Variants in PCMTD1 observed in about 807,000 individuals in gnomAD.
The protein encoded by PCMTD1 is protein-L-isoaspartate (D-aspartate) O-methyltransferase domain containing 1, also known as protein-L-isoaspartate O-methyltransferase domain-containing protein 1.
Under a neutral mutation model 37.6 loss-of-function variants are expected in PCMTD1, and 12 were observed. That is an observed-to-expected ratio of 0.32 (90% CI 0.20 to 0.52). The LOEUF (loss-of-function observed/expected upper bound fraction) is 0.52, where lower values mean the gene tolerates loss of function less well. Among genes scored for constraint, PCMTD1 ranks in the 20% least tolerant of loss-of-function variants. The pLI is 0.97. For synonymous variants in PCMTD1, 117 were observed against 135.8 expected, an observed-to-expected ratio of 0.86 and a Z score of 0.96; for missense variants, 235 against 421.3, an observed-to-expected ratio of 0.56 and a Z score of 3.87.
Position 51,854,782 on chromosome 8 carries a change from TAGG to T in PCMTD1, c.307+6060_307+6062del, listed in dbSNP as rs576818179. On this transcript the variant is annotated intron_variant, in intron 2 of 5. Transcript: ENST00000522514. The stretch of plus-strand genomic sequence containing the variant: ...ATCCCAGCTACTTGGGAGGATGAGG[TAGG>T]AGAATTGCTTGAACCTGGGAGGCGG... 1.4e-3 allele frequency among the ~76,000 whole-genome samples: 215 copies of T among 148,596 alleles called. 1 individual carries two copies. Among genetic ancestry groups the T allele is most frequent in the African/African-American group, 4.9e-3 (197 of 40,256 alleles).
intron 1 of PCMTD1, among the ~76,000 whole-genome samples, chr8:51,870,914 T>C (rs1182041710): frequency 6.6e-6 from 1 of 152,154 alleles, no homozygotes; most frequent in Non-Finnish European, 1.5e-5. Context: ...CATTTATTGG[T>C]CGTGCAGCCT....
intron 2 of PCMTD1, chr8:51,849,113 T>C (rs1441656552): frequency 1.3e-5 from 2 of 152,122 alleles, no homozygotes; most frequent in African/African-American, 2.4e-5. Flanking sequence ...AAAGCATACA[T>C]AGCTGCTTCT....
At chr8:51,843,524 A>C (rs1276385278) in intron 3 of PCMTD1, among the ~76,000 whole-genome samples, 1 of 152,134 alleles carries the variant, frequency 6.6e-6, no homozygotes, top group Non-Finnish European at 1.5e-5. Context: ...TATGAATAAC[A>C]AACCTGGGTA....
intron 1 of PCMTD1, among the ~76,000 whole-genome samples, chr8:51,874,092 G>A (rs1353881177): frequency 6.6e-6 from 1 of 151,884 alleles, no homozygotes; most frequent in East Asian, 1.9e-4. Context: ...TAGAGATGGG[G>A]TTTCACCATG....
At chr8:51,868,123 T>C (rs527617823) in intron 1 of PCMTD1, among the ~76,000 whole-genome samples, 1 of 152,154 alleles carries the variant, frequency 6.6e-6, no homozygotes, top group African/African-American at 2.4e-5. Flanking sequence ...AAAGATTAAA[T>C]AGGATTTTAA....
chr8:51,857,359 T>A (rs1165767537), intron 2 of PCMTD1, among the ~76,000 whole-genome samples: 1 of 152,182 alleles, frequency 6.6e-6, no homozygotes, highest in African/African-American at 2.4e-5. Flanking sequence ...AATCTGTGTA[T>A]TATATGTTTT....
At chr8:51,854,562 AGAG>A (rs1175314143) in intron 2 of PCMTD1, among the ~76,000 whole-genome samples, 3 of 152,216 alleles carry the variant, frequency 2.0e-5, no homozygotes, top group Non-Finnish European at 4.4e-5. Flanking sequence ...ATTTGCTCAC[AGAG>A]CCCCAAATAA....
chr8:51,869,537 G>C (rs901906715), intron 1 of PCMTD1, among the ~76,000 whole-genome samples: 1 of 151,896 alleles, frequency 6.6e-6, no homozygotes, highest in African/African-American at 2.4e-5. Flanking sequence ...TCTAGTAATG[G>C]CTGCTGTCCA....
intron 1 of PCMTD1, among the ~76,000 whole-genome samples, chr8:51,886,911 G>A (rs932741369): frequency 1.3e-5 from 2 of 151,748 alleles, no homozygotes; most frequent in Admixed American, 1.3e-4. Flanking sequence ...CTTTCTGAAG[G>A]TTCTTTAGGA....
At chr8:51,862,048 TTATAGTACAGTATAGTATAG>T (rs1184396158) in intron 1 of PCMTD1, among the ~76,000 whole-genome samples, 273 of 152,276 alleles carry the variant, frequency 1.8e-3, no homozygotes, top group Non-Finnish European at 1.5e-3. Context: ...ACTGGCTTCT[TTATAGTACAGTATAGTATAG>T]TATAGTACAG....
rs773164358 is a variant in PCMTD1, at chr8:51,870,317, TG to T, written c.-95-9072del. ...CCTCATGTCCTCAAAGCTCTTGTCATGGGATTCATGGACCAAGCCTGCTTTA... is the reference window on the plus strand; with the variant it reads ...CCTCATGTCCTCAAAGCTCTTGTCATGGATTCATGGACCAAGCCTGCTTTA... On this transcript the variant is annotated intron_variant, in intron 1 of 5. Coordinates refer to ENST00000522514, the MANE Select transcript of PCMTD1 (RefSeq NM_052937.4). 1.5e-4 allele frequency: 23 copies of T among 152,346 alleles called. No homozygotes were observed. In the East Asian group the frequency reaches 4.2e-3, roughly 28 times the overall value. 9.4% of individuals were successfully genotyped at this position (152,346 alleles called of 1,614,324 possible). A position where few individuals can be genotyped will look rare whatever the true frequency, so the allele number is the denominator to read the frequency against.
Position 51,898,978 on chromosome 8 carries a change from G to A in PCMTD1, c.-144C>T. 2.0e-6 allele frequency: 3 copies of A among 1,498,362 alleles called. No individual in the cohort carries two copies. The highest frequency in any genetic ancestry group is 2.5e-5 in the South Asian group (2 of 79,292). The allele number at this position is 1,498,362 out of a possible 1,614,324, so 92.8% of individuals were successfully genotyped here. ...AGGCCAGGCGCTAGGACTCGGCGGG[G>A]TCCGCAGCAGCCAGACGCCGCTACC... On this transcript the variant is annotated 5_prime_UTR_variant, in exon 1 of 6. Coordinates refer to ENST00000522514, the MANE Select transcript of PCMTD1 (RefSeq NM_052937.4).
chr8:51,845,814 A>G lies in PCMTD1; in HGVS notation c.308-51T>C, dbSNP rs1426398812. On this transcript the variant is annotated intron_variant, in intron 2 of 5. Transcript: ENST00000522514. ...AAAAATATTAATAATATGCCCTTAC[A>G]GAGCTCTTTTTTAAGTTCTGCTCAT... 5 of 1,314,190 alleles carry G rather than the reference A, an allele frequency of 3.8e-6. No individual in the cohort carries two copies. The Admixed American group carries it at 5.5e-5, about 15-fold the overall frequency. The allele number at this position is 1,314,190 out of a possible 1,614,324, so 81.4% of individuals were successfully genotyped here. A position where few individuals can be genotyped will look rare whatever the true frequency, so the allele number is the denominator to read the frequency against.
At chr8:51,826,993 T>TTA (rs1015109925) in intron 5 of PCMTD1, 148 of 937,996 alleles carry the variant, frequency 1.6e-4, no homozygotes, top group African/African-American at 1.5e-3. Context: ...GGCAAATAAT[T>TTA]TATATATATA....
chr8:51,834,016 A>C (rs866585002), intron 3 of PCMTD1, among the ~76,000 whole-genome samples: 1 of 152,176 alleles, frequency 6.6e-6, no homozygotes. Flanking sequence ...TAACATAACA[A>C]TGAGAATCAT....
chr8:51,879,138 AG>A (rs2038756297), intron 1 of PCMTD1, among the ~76,000 whole-genome samples: 1 of 152,144 alleles, frequency 6.6e-6, no homozygotes, highest in Non-Finnish European at 1.5e-5. Flanking sequence ...AAAAGAAAAA[AG>A]AAAAAAAGCA....
At chr8:51,864,652 A>G (rs555921254) in intron 1 of PCMTD1, among the ~76,000 whole-genome samples, 12 of 152,180 alleles carry the variant, frequency 7.9e-5, no homozygotes, top group Non-Finnish European at 1.8e-4. Context: ...GAAAATAAAG[A>G]TATCTTGAGA....
chr8:51,868,869 C>T (rs922063755), intron 1 of PCMTD1, among the ~76,000 whole-genome samples: 1 of 152,076 alleles, frequency 6.6e-6, no homozygotes, highest in African/African-American at 2.4e-5. Flanking sequence ...TTTCATAATG[C>T]TAGCATTCAA....
chr8:51,885,365 C>G (rs974444894), intron 1 of PCMTD1, among the ~76,000 whole-genome samples: 1 of 152,184 alleles, frequency 6.6e-6, no homozygotes, highest in Non-Finnish European at 1.5e-5. Context: ...GGAAGTTAGA[C>G]GCCAGCCCTG....
Sources: allele counts gnomAD v4.1 joint callset (sites outside exome capture counted in the v4.1 genomes callset), GRCh38; gene constraint gnomAD v4.1.1; transcripts MANE v1.5; gene names NCBI Gene and HGNC (gene_info 2026-07-23, HGNC 2026-07-21).